The following LRRC8D variants were observed in gnomAD, a reference collection of about 807,000 sequenced individuals.
LRRC8D encodes the protein volume-regulated anion channel subunit LRRC8D.
In LRRC8D, 20 loss-of-function variants were observed where a neutral mutation model predicts 55.8. The ratio of observed to expected loss-of-function variants is 0.36; its 90% CI spans 0.25 to 0.52. The LOEUF is 0.52. Ranked by LOEUF, LRRC8D falls within the 20% of genes least tolerant of loss-of-function variation. The pLI is 0.93. For synonymous variants in LRRC8D, 352 were observed against 377.0 expected (o/e 0.93, Z 0.77); for missense variants, 651 against 1,030.8 (o/e 0.63, Z 5.05).
At chr1:89,868,019 A>G (rs1661896243) in intron 2 of LRRC8D, among the ~76,000 whole-genome samples, 1 of 152,186 alleles carries the variant, frequency 6.6e-6, no homozygotes, top group Non-Finnish European at 1.5e-5. Flanking sequence ...TCAGGAACAT[A>G]CTAAATGGAG....
At chr1:89,878,372 A>ACACCTGTTGAT (rs959076657) in intron 2 of LRRC8D, among the ~76,000 whole-genome samples, 2 of 152,232 alleles carry the variant, frequency 1.3e-5, no homozygotes, top group Non-Finnish European at 2.9e-5. Flanking sequence ...GGCATTGCCA[A>ACACCTGTTGAT]CACCTGTTGA....
intron 2 of LRRC8D, among the ~76,000 whole-genome samples, chr1:89,918,636 G>T (rs1663334171): frequency 6.6e-6 from 1 of 152,146 alleles, no homozygotes; most frequent in Admixed American, 6.5e-5. Context: ...TTAGTTCTTG[G>T]TATTATCTCC....
At chr1:89,894,284 C>T (rs1662652410) in intron 2 of LRRC8D, among the ~76,000 whole-genome samples, 4 of 152,214 alleles carry the variant, frequency 2.6e-5, no homozygotes, top group African/African-American at 7.2e-5. Flanking sequence ...TTAAGGCACC[C>T]AGCCTGTGTA....
rs114345137 is a variant in LRRC8D at position 89,883,854 on chromosome 1, C to G, written c.-3+40072C>G. Among the ~76,000 whole-genome samples, 1,183 of 152,272 alleles carry G rather than the reference C, an allele frequency of 7.8e-3. 10 individuals are homozygous for G. The highest frequency in any genetic ancestry group is 0.027 in the African/African-American group (1,129 of 41,544). The stretch of plus-strand genomic sequence containing the variant: ...TTCAGATTCTGTTCAGCACTAGCAG[C>G]CTGTGAATCTGTCAGTGGAGAAACA... On this transcript the variant is annotated intron_variant, in intron 2 of 2. Transcript: ENST00000337338.
At chr1:89,922,262 A>G (rs370460096) in intron 2 of LRRC8D, among the ~76,000 whole-genome samples, 6 of 151,176 alleles carry the variant, frequency 4.0e-5, no homozygotes, top group African/African-American at 1.5e-4. Context: ...ACCGGGTTTC[A>G]TCATGTTGGC....
At chr1:89,870,124 AT>A (rs1346393417) in intron 2 of LRRC8D, among the ~76,000 whole-genome samples, 1 of 151,582 alleles carries the variant, frequency 6.6e-6, no homozygotes, top group Admixed American at 6.6e-5. Context: ...AAGAAAAAGA[AT>A]TTTCAACCCT....
At chr1:89,859,693 C>G (rs2100789976) in intron 2 of LRRC8D, among the ~76,000 whole-genome samples, 1 of 152,298 alleles carries the variant, frequency 6.6e-6, no homozygotes, top group East Asian at 1.9e-4. Context: ...GCCCTATTTT[C>G]TACTTGCCTT....
chr1:89,925,431 A>G (rs527821498), intron 2 of LRRC8D, among the ~76,000 whole-genome samples: 7 of 152,122 alleles, frequency 4.6e-5, no homozygotes, highest in Non-Finnish European at 1.0e-4. Context: ...GCCCGAAACC[A>G]TCCCCCTCCC....
At chr1:89,893,378 C>A (rs142893033) in intron 2 of LRRC8D, among the ~76,000 whole-genome samples, 1 of 152,206 alleles carries the variant, frequency 6.6e-6, no homozygotes, top group Non-Finnish European at 1.5e-5. Flanking sequence ...GAAAAATATT[C>A]GTTATCACTT....
At chr1:89,922,691 G>T (rs148189824) in intron 2 of LRRC8D, among the ~76,000 whole-genome samples, 7 of 152,246 alleles carry the variant, frequency 4.6e-5, no homozygotes, top group Non-Finnish European at 1.0e-4. Flanking sequence ...TGTTAGAGAG[G>T]TAATAATATA....
In LRRC8D at chr1:89,935,266, G is replaced by A. The variant is rs1326338900; in HGVS notation, c.2198G>A (p.Cys733Tyr). ...GTATTTAGTTTACAGAAACTCAGAT[G>A]CTTAGATGTGAGCTACAACAACATT... ...VAVFSLQKLR[C>Y]LDVSYNNISM... Residue 733 changes from cysteine to tyrosine, a missense_variant, in exon 3 of 3, where the codon TGC becomes TAC. Physicochemically the swap from Cys to Tyr is radical, Grantham distance 194. Transcript: ENST00000337338. 1 of 1,614,164 alleles carries A rather than the reference G, an allele frequency of 6.2e-7. No individual in the cohort carries two copies. The highest frequency in any genetic ancestry group is 8.5e-7 in the Non-Finnish European group (1 of 1,179,996).
intron 2 of LRRC8D, among the ~76,000 whole-genome samples, chr1:89,918,989 C>T (rs754471610): frequency 8.5e-5 from 13 of 152,184 alleles, no homozygotes; most frequent in South Asian, 2.1e-4. Context: ...CCTGAGGATA[C>T]GCAGATAAAA....
intron 1 of LRRC8D, among the ~76,000 whole-genome samples, chr1:89,838,118 G>A (rs1009308495): frequency 1.3e-5 from 2 of 151,836 alleles, no homozygotes; most frequent in African/African-American, 2.4e-5. Flanking sequence ...CCAGCACTTT[G>A]GGAGACCGAG....
chr1:89,933,387 C>T lies in LRRC8D; in HGVS notation c.319C>T (p.Pro107Ser), dbSNP rs1440482682. 3.1e-6 allele frequency: 5 copies of T among 1,614,024 alleles called. No homozygotes were observed. In the South Asian group the frequency reaches 5.5e-5, roughly 18 times the overall value. Residue 107 changes from proline to serine, a missense_variant, in exon 3 of 3, where the codon CCT becomes TCT. By Grantham distance (74) the Pro-to-Ser change is moderately conservative (BLOSUM62 -1). Coordinates refer to ENST00000337338, the MANE Select transcript of LRRC8D (RefSeq NM_001134479.2). The surrounding 1 kb of genome is among the most constrained non-coding windows in gnomAD (Gnocchi z 7.0). Reference protein sequence around the residue: ...DISFGTSAVTPDIPLRATYPR... With the variant: ...DISFGTSAVTSDIPLRATYPR... ...TTCCTTTGGGACATCTGCTGTGACA[C>T]CTGACATACCTCTCAGAGCCACATA...
chr1:89,840,645 T>C (rs990400593), intron 1 of LRRC8D, among the ~76,000 whole-genome samples: 1 of 152,218 alleles, frequency 6.6e-6, no homozygotes, highest in African/African-American at 2.4e-5. Context: ...AACTCTCCTA[T>C]ATATCATTAA....
chr1:89,824,640 C>G (rs1006089426), intron 1 of LRRC8D, among the ~76,000 whole-genome samples: 4 of 152,098 alleles, frequency 2.6e-5, no homozygotes, highest in Non-Finnish European at 5.9e-5. Context: ...GCTGCCTACT[C>G]TCTTTGAATG....
intron 1 of LRRC8D, chr1:89,833,927 G>T (rs940767988): frequency 5.9e-5 from 9 of 152,102 alleles, no homozygotes; most frequent in African/African-American, 2.2e-4. Context: ...TCCTACTTTG[G>T]GCTCTCTTCC....
chr1:89,831,674 C>G (rs1394408522), intron 1 of LRRC8D, among the ~76,000 whole-genome samples: 1 of 152,082 alleles, frequency 6.6e-6, no homozygotes, highest in South Asian at 2.1e-4. Context: ...TTTTGCAATT[C>G]CTAGTGTATC....
chr1:89,868,135 A>G (rs1207869412), intron 2 of LRRC8D, among the ~76,000 whole-genome samples: 3 of 152,254 alleles, frequency 2.0e-5, no homozygotes, highest in Non-Finnish European at 4.4e-5. Context: ...TAGCACAATC[A>G]AGCCAAAGAA....
Sources: gnomAD v4.1 joint callset for allele counts (sites outside exome capture counted in the v4.1 genomes callset) on GRCh38, gnomAD v4.1.1 for gene constraint, Gnocchi (gnomAD v3.1) non-coding constraint, MANE v1.5 for transcripts, NCBI Gene and HGNC (gene_info 2026-07-23, HGNC 2026-07-21) for gene names.